The following ZNF577 variants were observed in gnomAD, a reference collection of about 807,000 sequenced individuals.
ZNF577 encodes the protein zinc finger protein 577.
Under a neutral mutation model 13.9 loss-of-function variants are expected in ZNF577, and 14 were observed. The ratio of observed to expected loss-of-function variants is 1.00; its 90% CI spans 0.66 to 1.57. The LOEUF (loss-of-function observed/expected upper bound fraction) is 1.57. Among genes scored for constraint, ZNF577 ranks in the 40% most tolerant of loss-of-function variants. ZNF577 has a pLI of 0.00. For synonymous variants in ZNF577, 203 were observed against 202.9 expected (o/e 1.00, Z 0.00); for missense variants, 555 against 579.2 (o/e 0.96, Z 0.43).
chr19:51,851,562 A>G (rs1328771873), intron 5 of ZNF577, among the ~76,000 whole-genome samples: 1 of 152,160 alleles, frequency 6.6e-6, no homozygotes, highest in Non-Finnish European at 1.5e-5. Context: ...CTCATCAGCC[A>G]TCTCCTAGCA....
chr19:51,875,745 T>C (rs1256865928), intron 5 of ZNF577, among the ~76,000 whole-genome samples: 2 of 152,190 alleles, frequency 1.3e-5, no homozygotes, highest in East Asian at 3.8e-4. Context: ...AGTGCTTTGA[T>C]GGCCCCTGCC....
chr19:51,842,465 C>T (rs1568438074), intron 8 of ZNF577, among the ~76,000 whole-genome samples: 1 of 152,146 alleles, frequency 6.6e-6, no homozygotes, highest in Admixed American at 6.5e-5. Flanking sequence ...TTCATCCTTA[C>T]TTGCCGTTCT....
intron 9 of ZNF577, among the ~76,000 whole-genome samples, chr19:51,829,872 G>A (rs1045199969): frequency 2.0e-5 from 3 of 152,124 alleles, no homozygotes; most frequent in African/African-American, 7.2e-5. Context: ...GTCCCCACTA[G>A]CCACTCAGAG....
At chr19:51,854,234 G>C (rs1599854225) in intron 5 of ZNF577, among the ~76,000 whole-genome samples, 1 of 152,102 alleles carries the variant, frequency 6.6e-6, no homozygotes, top group African/African-American at 2.4e-5. Context: ...GTGCTCATCT[G>C]ATAATAACCA....
At chr19:51,875,697 A>G (rs2084748724) in intron 5 of ZNF577, among the ~76,000 whole-genome samples, 1 of 152,192 alleles carries the variant, frequency 6.6e-6, no homozygotes, top group Admixed American at 6.5e-5. Context: ...TTCTTTCTTC[A>G]AGCAACACTC....
In ZNF577 at chr19:51,880,033, T is replaced by C. The variant is rs1178728389; in HGVS notation, c.60+290A>G. On this transcript the variant is annotated intron_variant, in intron 3 of 5. Coordinates refer to ENST00000638348, the MANE Select transcript of ZNF577 (RefSeq NM_001370449.1). ...GAGAATTCTTCTTCAGGGAGGATCA[T>C]TCAAAGGTCAAGCAGCCCATTCATT... 3.9e-5 allele frequency among the ~76,000 whole-genome samples: 6 copies of C among 152,200 alleles called. No homozygotes were observed. The East Asian group carries it at 9.6e-4, about 24-fold the overall frequency.
chr19:51,815,053 G>A (rs959057410), intron 9 of ZNF577, among the ~76,000 whole-genome samples: 1 of 151,984 alleles, frequency 6.6e-6, no homozygotes, highest in Non-Finnish European at 1.5e-5. Context: ...CAAATGATCC[G>A]CCCACCTCGG....
At chr19:51,835,812 C>A (rs2084284860) in intron 9 of ZNF577, among the ~76,000 whole-genome samples, 1 of 152,128 alleles carries the variant, frequency 6.6e-6, no homozygotes, top group Non-Finnish European at 1.5e-5. Context: ...CCTGTCTCAG[C>A]CTCCTGAGTA....
chr19:51,877,483 A>G (rs1439908825), intron 4 of ZNF577, 106 bp from the exon 5 acceptor site: 1 of 893,312 alleles, frequency 1.1e-6, no homozygotes, highest in Non-Finnish European at 1.8e-6. Flanking sequence ...TTGATAAAGC[A>G]AAACTCTTTC....
At chr19:51,859,884 T>C (rs2084478501) in intron 5 of ZNF577, among the ~76,000 whole-genome samples, 1 of 152,090 alleles carries the variant, frequency 6.6e-6, no homozygotes, top group African/African-American at 2.4e-5. Context: ...AGTTTATAAA[T>C]ATATAAAGTA....
intron 1 of ZNF577, among the ~76,000 whole-genome samples, chr19:51,885,172 G>A (rs1476203270): frequency 6.6e-6 from 1 of 152,186 alleles, no homozygotes; most frequent in Non-Finnish European, 1.5e-5. Flanking sequence ...ACTATTGTGG[G>A]TTAGCTGAAT....
intron 5 of ZNF577, among the ~76,000 whole-genome samples, chr19:51,852,482 C>A (rs758259636): frequency 6.6e-6 from 1 of 152,224 alleles, no homozygotes; most frequent in Non-Finnish European, 1.5e-5. Flanking sequence ...CTGAAGATGT[C>A]TTTTTGCCCT....
chr19:51,824,531 C>T lies in ZNF577; in HGVS notation c.*600-12857G>A, dbSNP rs3752125. The T allele has an allele frequency of 0.29, 469,038 of 1,613,680 alleles. 70,208 individuals carry two copies. The highest frequency in any genetic ancestry group is 0.34 in the Admixed American group (20,402 of 59,990). On this transcript the variant is annotated intron_variant and NMD_transcript_variant, in intron 9 of 10. Transcript: ENST00000638827. The surrounding 1 kb of genome is among the most constrained non-coding windows in gnomAD (Gnocchi z 4.7). ...GTTGGTTCCCTTATGAACTAATTGG[C>T]ATTCTAATGGCAGTCTGGCTCAAAG...
intron 9 of ZNF577, among the ~76,000 whole-genome samples, chr19:51,830,273 T>C (rs1274312327): frequency 6.6e-6 from 1 of 152,190 alleles, no homozygotes; most frequent in East Asian, 1.9e-4. Context: ...CATCAGCATA[T>C]ACATCTGTTC....
In ZNF577 at chr19:51,873,586, C is replaced by A. The variant is rs928622169; in HGVS notation, c.404G>T (p.Cys135Phe). ...TGATTTAGGGCTGCTGGGTTTAACACATCTATGGTATTTAACTCCAGTAAG... is the reference window on the plus strand; with the variant it reads ...TGATTTAGGGCTGCTGGGTTTAACAAATCTATGGTATTTAACTCCAGTAAG... ...KTLTGVKYHRCVKPSSPKSQL... is the reference protein window; with the variant it reads ...KTLTGVKYHRFVKPSSPKSQL... Residue 135 changes from cysteine (C) to phenylalanine (F), a missense_variant, in exon 6 of 6, where the codon TGT (cysteine) becomes TTT (phenylalanine). Transcript: ENST00000638348. The A allele has an allele frequency of 7.4e-6, 12 of 1,614,080 alleles. No individual in the cohort carries two copies. The Admixed American group carries it at 1.8e-4, about 25-fold the overall frequency.
At chr19:51,815,488 G>C (rs1244241899) in intron 9 of ZNF577, among the ~76,000 whole-genome samples, 1 of 151,514 alleles carries the variant, frequency 6.6e-6, no homozygotes, top group Non-Finnish European at 1.5e-5. Flanking sequence ...TGAACTGCTT[G>C]AACCTGGGAG....
chr19:51,873,689 T>C lies in ZNF577; in HGVS notation c.301A>G (p.Arg101Gly), dbSNP rs1370075270. ...TCAGAATCTTTTCCTGCATATCTTCTACTCTGGATTACAAAACCTAAATGA... is the reference window on the plus strand; with the variant it reads ...TCAGAATCTTTTCCTGCATATCTTCCACTCTGGATTACAAAACCTAAATGA... ...QICPGFVIQSRRYAGKDSDAF... is the reference protein window; with the variant it reads ...QICPGFVIQSGRYAGKDSDAF... The change falls in exon 6 of 6, where the codon AGA becomes GGA. Residue 101 changes from arginine (R) to glycine (G), a missense_variant. Arg to Gly is a moderately radical substitution (Grantham distance 125). Transcript: ENST00000638348. 2.5e-6 allele frequency: 4 copies of C among 1,607,652 alleles called. No individual in the cohort carries two copies. The highest frequency in any genetic ancestry group is 1.7e-5 in the Admixed American group (1 of 59,134).
chr19:51,857,376 AAG>A (rs2084439129), intron 5 of ZNF577, among the ~76,000 whole-genome samples: 10 of 104,052 alleles, frequency 9.6e-5, no homozygotes, highest in South Asian at 8.6e-4. Context: ...GAAAGAAAGA[AAG>A]AAAGAAAGAA....
At chr19:51,877,736 AC>A (rs2084789279) in intron 4 of ZNF577, 1 of 184,404 alleles carries the variant, frequency 5.4e-6, no homozygotes, top group African/African-American at 2.4e-5. Context: ...TGACCATATC[AC>A]CCAGCAATTC....
Sources: allele counts gnomAD v4.1 joint callset (sites outside exome capture counted in the v4.1 genomes callset), GRCh38; gene constraint gnomAD v4.1.1; non-coding constraint Gnocchi (gnomAD v3.1); transcripts MANE v1.5; gene names NCBI Gene and HGNC (gene_info 2026-07-23, HGNC 2026-07-21).